Variants in RSPO4 observed in about 807,000 individuals in gnomAD.
RSPO4 encodes R-spondin-4.
In RSPO4, 23 loss-of-function variants were observed where a neutral mutation model predicts 24.8. The observed-to-expected ratio is 0.93, with a 90% CI of 0.67 to 1.31. The LOEUF is 1.31. Ranked by LOEUF, RSPO4 falls within the 40% of genes most tolerant of loss-of-function variation. The pLI is 0.00. For missense variants in RSPO4, 333 were observed against 316.5 expected (o/e 1.05, Z -0.39); for synonymous variants, 141 against 127.4 (o/e 1.11, Z -0.72).
intron 4 of RSPO4, among the ~76,000 whole-genome samples, chr20:961,515 T>A (rs1983997515): frequency 6.6e-6 from 1 of 151,846 alleles, no homozygotes; most frequent in Non-Finnish European, 1.5e-5. Context: ...CAGAGCAGAG[T>A]CAAGGAGCTA....
intron 1 of RSPO4, among the ~76,000 whole-genome samples, chr20:989,831 A>C (rs1600099722): frequency 6.6e-6 from 1 of 151,930 alleles, no homozygotes; most frequent in African/African-American, 2.4e-5. Context: ...GTCCTACCCC[A>C]CCCCCAGCTG....
chr20:998,988 T>C (rs1382392572), intron 1 of RSPO4, among the ~76,000 whole-genome samples: 3 of 147,796 alleles, frequency 2.0e-5, no homozygotes, highest in East Asian at 2.0e-4. Context: ...TCGCTCTCTT[T>C]TTTTTTTTTT....
At chr20:965,717 G>A (rs1984173111) in intron 3 of RSPO4, among the ~76,000 whole-genome samples, 1 of 152,180 alleles carries the variant, frequency 6.6e-6, no homozygotes, top group Admixed American at 6.5e-5. Context: ...GTGGGTTTGG[G>A]AGCTTCGTGC....
intron 1 of RSPO4, among the ~76,000 whole-genome samples, chr20:988,134 G>A (rs1339915084): frequency 6.6e-6 from 1 of 152,250 alleles, no homozygotes; most frequent in Non-Finnish European, 1.5e-5. Flanking sequence ...GTGTGGAAGA[G>A]AGCAGCAAGG....
Position 960,321 on chromosome 20 carries a change from C to T in RSPO4, c.*36G>A, listed in dbSNP as rs565675207. On this transcript the variant is annotated 3_prime_UTR_variant, in exon 5 of 5. Transcript: ENST00000217260. ...GGAGCAGGAGGAGGTGTGCAGGGGC[C>T]GAGGACTAGGACCAGAGAGTCGGGA... is the stretch of plus-strand genomic sequence containing the variant. 1.4e-4 allele frequency: 202 copies of T among 1,411,198 alleles called. 1 individual carries two copies. The highest frequency in any genetic ancestry group is 1.1e-3 in the Middle Eastern group (5 of 4,656). 87.4% of individuals were successfully genotyped at this position (1,411,198 alleles called of 1,614,324 possible). A position where few individuals can be genotyped will look rare whatever the true frequency, so the allele number is the denominator to read the frequency against.
intron 3 of RSPO4, among the ~76,000 whole-genome samples, chr20:966,858 AAAACAAGC>A (rs6147266): frequency 0.096 from 14,564 of 152,156 alleles, 742 homozygotes; most frequent in Middle Eastern, 0.17. Flanking sequence ...TATCTCAAAC[AAAACAAGC>A]AAACAAGCAA....
chr20:986,991 C>T (rs6039401), intron 1 of RSPO4, among the ~76,000 whole-genome samples: 48,278 of 152,068 alleles, frequency 0.32, 12,076 homozygotes, highest in African/African-American at 0.69. Flanking sequence ...CTCCGGCACC[C>T]TCTTTTGAGA....
At chr20:969,569 G>A (rs1157602522) in intron 1 of RSPO4, among the ~76,000 whole-genome samples, 5 of 152,214 alleles carry the variant, frequency 3.3e-5, no homozygotes, top group African/African-American at 7.2e-5. Context: ...GGGCAGAGCT[G>A]AGGGGAAGAG....
rs58319408 is a variant in RSPO4, at chr20:958,648, AG to A, written c.*1708del. ...TCAGAGAGAGGGTGGGCCTGCTGGG[AG>A]GGGGGGGTTCAGGCCAGGGCTCCCC... On this transcript the variant is annotated 3_prime_UTR_variant, in exon 5 of 5. Transcript: ENST00000217260. 3.4e-4 allele frequency: 24 copies of A among 70,428 alleles called. No individual in the cohort carries two copies. The highest frequency in any genetic ancestry group is 4.9e-4 in the East Asian group (1 of 2,038). The allele number at this position is 70,428 out of a possible 1,614,324, so 4.4% of individuals were successfully genotyped here.
intron 1 of RSPO4, among the ~76,000 whole-genome samples, chr20:972,384 G>T (rs1018592533): frequency 6.6e-6 from 1 of 152,200 alleles, no homozygotes; most frequent in Non-Finnish European, 1.5e-5. Flanking sequence ...GATATTAAGC[G>T]GAGTTTATGT....
intron 1 of RSPO4, among the ~76,000 whole-genome samples, chr20:979,978 A>G (rs1984686775): frequency 6.6e-6 from 1 of 152,188 alleles, no homozygotes; most frequent in Non-Finnish European, 1.5e-5. Flanking sequence ...CCAGGAAGGC[A>G]GGGATGAGCC....
At chr20:987,746 G>A (rs370088535) in intron 1 of RSPO4, among the ~76,000 whole-genome samples, 3 of 152,214 alleles carry the variant, frequency 2.0e-5, no homozygotes, top group East Asian at 1.9e-4. Context: ...AGCTAAGATC[G>A]TGCTATTGCC....
At chr20:987,979 G>T (rs950796370) in intron 1 of RSPO4, among the ~76,000 whole-genome samples, 1 of 152,272 alleles carries the variant, frequency 6.6e-6, no homozygotes, top group Non-Finnish European at 1.5e-5. Context: ...TCATTTCAGA[G>T]AACGACAGGG....
At chr20:984,922 C>CAT (rs778392406) in intron 1 of RSPO4, among the ~76,000 whole-genome samples, 2 of 115,886 alleles carry the variant, frequency 1.7e-5, no homozygotes, top group Non-Finnish European at 1.7e-5. Flanking sequence ...TCCATCCATC[C>CAT]CCATCCATCC....
rs1001875918 is a variant in RSPO4 at position 983,399 on chromosome 20, G to A, written c.80-15261C>T. Among the ~76,000 whole-genome samples, 7 of 152,308 alleles carry A rather than the reference G, an allele frequency of 4.6e-5. No individual in the cohort carries two copies. The South Asian group carries it at 1.2e-3, about 27-fold the overall frequency. ...AAGATGAAATGTGACATGAGAGATC[G>A]ATTCCTAAAATGAATGAGTTGAGCT... is the stretch of plus-strand genomic sequence containing the variant. On this transcript the variant is annotated intron_variant, in intron 1 of 4. Transcript: ENST00000217260.
chr20:972,793 C>T (rs1055096136), intron 1 of RSPO4, among the ~76,000 whole-genome samples: 9 of 152,230 alleles, frequency 5.9e-5, no homozygotes, highest in African/African-American at 1.2e-4. Context: ...AGTTGCCCTG[C>T]GCTGTGCCTT....
At chr20:992,160 C>T (rs1380322713) in intron 1 of RSPO4, among the ~76,000 whole-genome samples, 1 of 152,112 alleles carries the variant, frequency 6.6e-6, no homozygotes, top group African/African-American at 2.4e-5. Context: ...ATCATTTATG[C>T]ATTTGTAATG....
intron 1 of RSPO4, among the ~76,000 whole-genome samples, chr20:977,593 G>A (rs1984604851): frequency 6.6e-6 from 1 of 152,216 alleles, no homozygotes; most frequent in Non-Finnish European, 1.5e-5. Flanking sequence ...TCAGTGCAGA[G>A]TTTTTGGTTT....
chr20:974,439 A>C (rs1388920870), intron 1 of RSPO4, among the ~76,000 whole-genome samples: 1 of 152,196 alleles, frequency 6.6e-6, no homozygotes, highest in Non-Finnish European at 1.5e-5. Context: ...GTTCCAATGC[A>C]CATGTGTGAG....
Sources: gnomAD v4.1 joint callset for allele counts (sites outside exome capture counted in the v4.1 genomes callset) on GRCh38, gnomAD v4.1.1 for gene constraint, MANE v1.5 for transcripts, NCBI Gene and HGNC (gene_info 2026-07-23, HGNC 2026-07-21) for gene names.